SLC25A21: variants seen among roughly 807,000 people sequenced by gnomAD.
The protein encoded by SLC25A21 is solute carrier family 25 member 21.
Under a neutral mutation model 43.8 loss-of-function variants are expected in SLC25A21, and 47 were observed. The observed-to-expected ratio is 1.07, with a 90% CI of 0.85 to 1.37. The LOEUF is 1.37. SLC25A21 is among the 40% of genes most tolerant of loss of function. The probability of loss-of-function intolerance (pLI) is 0.00; values close to 1 mark genes in which losing one functional copy is unlikely to be tolerated. For synonymous variants in SLC25A21, 131 were observed against 121.3 expected (o/e 1.08, Z -0.52); for missense variants, 352 against 350.2 (o/e 1.00, Z -0.04).
At chr14:37,015,311 G>C (rs1442008268) in intron 1 of SLC25A21, among the ~76,000 whole-genome samples, 1 of 150,178 alleles carries the variant, frequency 6.7e-6, no homozygotes, top group Non-Finnish European at 1.5e-5. Flanking sequence ...TTGTCCTTGT[G>C]ATAGTTTGCT....
chr14:37,112,770 G>C (rs1418836409), intron 1 of SLC25A21, among the ~76,000 whole-genome samples: 1 of 152,138 alleles, frequency 6.6e-6, no homozygotes, highest in Non-Finnish European at 1.5e-5. Context: ...TATTAGATGG[G>C]AGTCATATTT....
chr14:37,134,118 T>G (rs1038930365), intron 1 of SLC25A21, among the ~76,000 whole-genome samples: 4 of 152,002 alleles, frequency 2.6e-5, no homozygotes, highest in African/African-American at 4.8e-5. Flanking sequence ...GTGATCAAAA[T>G]GGAGAGAGGG....
At chr14:36,856,946 G>A (rs1232004244) in intron 2 of SLC25A21, among the ~76,000 whole-genome samples, 3 of 152,212 alleles carry the variant, frequency 2.0e-5, no homozygotes, top group African/African-American at 7.2e-5. Flanking sequence ...GAAGCTCACT[G>A]CTGGTGCAAA....
chr14:36,781,280 G>A (rs920017177), intron 3 of SLC25A21, among the ~76,000 whole-genome samples: 7 of 151,892 alleles, frequency 4.6e-5, no homozygotes, highest in East Asian at 3.9e-4. Flanking sequence ...TTTTAAATCC[G>A]TTCAGCCACT....
intron 3 of SLC25A21, among the ~76,000 whole-genome samples, chr14:36,792,932 T>G (rs928006182): frequency 6.6e-6 from 1 of 152,240 alleles, no homozygotes; most frequent in Non-Finnish European, 1.5e-5. Context: ...ACCCCACATC[T>G]TAAAAGCAGT....
intron 4 of SLC25A21, among the ~76,000 whole-genome samples, chr14:36,730,113 C>T (rs1002012486): frequency 6.6e-6 from 1 of 152,166 alleles, no homozygotes; most frequent in Middle Eastern, 3.2e-3. Flanking sequence ...TCTAGTCCAT[C>T]CCCTGCCATA....
chr14:36,714,737 A>G (rs1477984327), intron 6 of SLC25A21, among the ~76,000 whole-genome samples: 1 of 152,216 alleles, frequency 6.6e-6, no homozygotes, highest in Non-Finnish European at 1.5e-5. Context: ...TAATCCTCTC[A>G]GTAATTGTGT....
chr14:37,060,092 A>C (rs1279554981), intron 1 of SLC25A21, among the ~76,000 whole-genome samples: 3 of 152,004 alleles, frequency 2.0e-5, no homozygotes, highest in Admixed American at 6.6e-5. Context: ...TTAAAAAAAA[A>C]ATCCTAGCCC....
chr14:37,065,919 G>A (rs948617407), intron 1 of SLC25A21, among the ~76,000 whole-genome samples: 1 of 152,120 alleles, frequency 6.6e-6, no homozygotes, highest in Non-Finnish European at 1.5e-5. Flanking sequence ...TGAAACGAAT[G>A]GTTTTTACAA....
chr14:37,098,806 T>TAGATAGATAGATA (rs1491150034), intron 1 of SLC25A21, among the ~76,000 whole-genome samples: 2 of 4,170 alleles, frequency 4.8e-4, no homozygotes, highest in African/African-American at 5.4e-4. Flanking sequence ...GATAGATAGA[T>TAGATAGATAGATA]TTTTTTTTTT....
chr14:37,043,121 G>A (rs932857046), intron 1 of SLC25A21, among the ~76,000 whole-genome samples: 8 of 152,170 alleles, frequency 5.3e-5, no homozygotes, highest in African/African-American at 1.9e-4. Flanking sequence ...CGTAAGTTCT[G>A]TTGTTTCCAC....
At chr14:37,053,984 C>T (rs550508393) in intron 1 of SLC25A21, among the ~76,000 whole-genome samples, 2 of 152,324 alleles carry the variant, frequency 1.3e-5, no homozygotes, top group South Asian at 4.1e-4. Flanking sequence ...AAATTCCTTG[C>T]TATTCCTCCC....
rs1431721205 is a variant in SLC25A21, at chr14:36,680,231, C to T, written c.*427G>A. ...AAAAACTGCTTAAATTTTGGCTTAA[C>T]TTTTTTTTAATCCAGTCTTTGAATA... On this transcript the variant is annotated 3_prime_UTR_variant, in exon 10 of 10. Coordinates refer to ENST00000331299, the MANE Select transcript of SLC25A21 (RefSeq NM_030631.4). 1.1e-6 allele frequency: 1 copy of T among 927,198 alleles called. No homozygotes were observed. The allele number at this position is 927,198 out of a possible 1,614,324, so 57.4% of individuals were successfully genotyped here.
intron 3 of SLC25A21, among the ~76,000 whole-genome samples, chr14:36,746,670 A>G (rs1311692435): frequency 1.3e-5 from 2 of 152,024 alleles, no homozygotes; most frequent in East Asian, 3.9e-4. Flanking sequence ...CTCCATTCTG[A>G]TCACTCTCAT....
intron 1 of SLC25A21, among the ~76,000 whole-genome samples, chr14:37,073,802 A>G (rs540035809): frequency 6.6e-6 from 1 of 152,194 alleles, no homozygotes; most frequent in African/African-American, 2.4e-5. Context: ...TTTGGGCATA[A>G]CCCAGGTTAG....
chr14:36,928,824 A>G (rs530075316), intron 1 of SLC25A21, among the ~76,000 whole-genome samples: 2 of 152,322 alleles, frequency 1.3e-5, no homozygotes, highest in Admixed American at 6.5e-5. Flanking sequence ...AAATGTGAAC[A>G]GTTTGCCTAC....
intron 1 of SLC25A21, among the ~76,000 whole-genome samples, chr14:37,054,469 C>A (rs1431879657): frequency 1.4e-4 from 21 of 152,132 alleles, no homozygotes; most frequent in Non-Finnish European, 8.8e-5. Context: ...AAAGCCAGAA[C>A]AAATTTTTGT....
At chr14:37,025,266 A>G (rs1369565478) in intron 1 of SLC25A21, among the ~76,000 whole-genome samples, 2 of 152,270 alleles carry the variant, frequency 1.3e-5, no homozygotes, top group East Asian at 3.9e-4. Context: ...GCTCATTTCT[A>G]AAATAGAAAT....
chr14:36,856,080 C>A (rs568179900), intron 2 of SLC25A21, among the ~76,000 whole-genome samples: 1 of 152,042 alleles, frequency 6.6e-6, no homozygotes, highest in African/African-American at 2.4e-5. Flanking sequence ...GTTAACCTTA[C>A]CAAGAAAGAG....
Sources: allele counts gnomAD v4.1 joint callset (sites outside exome capture counted in the v4.1 genomes callset), GRCh38; gene constraint gnomAD v4.1.1; transcripts MANE v1.5; gene names NCBI Gene and HGNC (gene_info 2026-07-23, HGNC 2026-07-21).